PAIP1: variants seen among roughly 807,000 people sequenced by gnomAD.
The protein encoded by PAIP1 is poly(A) binding protein interacting protein 1.
In PAIP1, 16 loss-of-function variants were observed where a neutral mutation model predicts 61.3. That is an observed-to-expected ratio of 0.26 (90% CI 0.18 to 0.40). The LOEUF is 0.40. PAIP1 is among the 10% of genes least tolerant of loss of function. PAIP1 has a pLI of 1.00. For missense variants in PAIP1, 416 were observed against 600.9 expected (o/e 0.69, Z 3.22); for synonymous variants, 187 against 226.2 (o/e 0.83, Z 1.56).
intron 6 of PAIP1, 25 bp from the exon 7 acceptor site, chr5:43,535,665 TAAG>T: frequency 8.0e-7 from 1 of 1,252,560 alleles, no homozygotes; most frequent in Non-Finnish European, 1.2e-6. Context: ...GTCAGTAAAA[TAAG>T]AAATTCAATA....
rs1301994523 is a variant in PAIP1, at chr5:43,556,780, C to T, written c.67G>A (p.Gly23Arg). 2.1e-6 allele frequency: 3 copies of T among 1,440,946 alleles called. No homozygotes were observed. The highest frequency in any genetic ancestry group is 2.7e-6 in the Non-Finnish European group (3 of 1,100,524). The allele number at this position is 1,440,946 out of a possible 1,614,324, so 89.3% of individuals were successfully genotyped here. ...RGRSRGLGRG[G>R]GGPEGGGFPN... is the part of the protein sequence containing the mutation. ...AAACCGCCGCCCTCAGGCCCGCCCC[C>T]TCCGCGGCCCAGGCCCCGGCTCCGG... Residue 23 changes from glycine (G) to arginine (R), a missense_variant, in exon 1 of 11, where the codon GGG becomes AGG. Physicochemically the swap from Gly to Arg is moderately radical, Grantham distance 125. Transcript: ENST00000306846.
intron 3 of PAIP1, among the ~76,000 whole-genome samples, chr5:43,546,752 T>C (rs1270048123): frequency 6.6e-6 from 1 of 151,978 alleles, no homozygotes; most frequent in Non-Finnish European, 1.5e-5. Flanking sequence ...TAAAATAGCA[T>C]TAATGAGGCC....
chr5:43,545,780 T>G lies in PAIP1; in HGVS notation c.621+1948A>C, dbSNP rs143325573. ...AATGTGTATTTAATCTGTCATTTTT[T>G]TTTTTTTTGATTCAGAGTTTCGCTC... On this transcript the variant is annotated intron_variant, in intron 3 of 10. Coordinates refer to ENST00000306846, the MANE Select transcript of PAIP1 (RefSeq NM_006451.5). Among the ~76,000 whole-genome samples the G allele has an allele frequency of 4.7e-3, 716 of 152,186 alleles. 5 individuals are homozygous for G. The highest frequency in any genetic ancestry group is 0.016 in the African/African-American group (645 of 41,500).
At chr5:43,536,254 C>G (rs6874647) in intron 6 of PAIP1, among the ~76,000 whole-genome samples, 151,564 of 152,294 alleles carry the variant, frequency 1, 75,426 homozygotes, top group Middle Eastern at 1. Flanking sequence ...TATGCTCGTC[C>G]ACCCACCAAA....
chr5:43,550,156 T>C (rs1747805628), intron 2 of PAIP1, among the ~76,000 whole-genome samples: 1 of 152,154 alleles, frequency 6.6e-6, no homozygotes, highest in Non-Finnish European at 1.5e-5. Flanking sequence ...GTTCATTGAA[T>C]AGAAGGATAA....
In PAIP1 at chr5:43,556,867, T is replaced by A. The variant is rs772840457; in HGVS notation, c.-21A>T. The A allele has an allele frequency of 5.0e-6, 7 of 1,399,012 alleles. No individual in the cohort carries two copies. Among genetic ancestry groups the A allele is most frequent in the Non-Finnish European group, 6.5e-6 (7 of 1,080,430 alleles). The allele number at this position is 1,399,012 out of a possible 1,614,324, so 86.7% of individuals were successfully genotyped here. ...GACATGCTCCTCCTCCTCCGCCTCC[T>A]CCTCCAGGGGCCGCTGCCGCTGCGC... On this transcript the variant is annotated 5_prime_UTR_variant, in exon 1 of 11. Transcript: ENST00000306846.
chr5:43,537,203 A>G (rs939921845), intron 5 of PAIP1, among the ~76,000 whole-genome samples: 8 of 152,208 alleles, frequency 5.3e-5, no homozygotes, highest in African/African-American at 1.4e-4. Flanking sequence ...ACTACTTCAT[A>G]AAGCTTTCTT....
intron 2 of PAIP1, among the ~76,000 whole-genome samples, chr5:43,549,034 G>A (rs12653645): frequency 0.014 from 2,108 of 152,130 alleles, 56 homozygotes; most frequent in East Asian, 0.13. Flanking sequence ...TCCGCCTCCC[G>A]GGTTCAAGCT....
At chr5:43,543,455 C>T (rs6884661) in intron 3 of PAIP1, among the ~76,000 whole-genome samples, 74,757 of 151,982 alleles carry the variant, frequency 0.49, 19,685 homozygotes, top group East Asian at 0.91. Flanking sequence ...AATGAGAATA[C>T]TGCCAAACTG....
At chr5:43,543,255 A>G in intron 3 of PAIP1, 139 bp from the exon 4 acceptor site, 1 of 378,104 alleles carries the variant, frequency 2.6e-6, no homozygotes, top group Non-Finnish European at 4.9e-6. Context: ...TGTTAGGCTT[A>G]AGGAAATTAA....
At chr5:43,547,378 T>C (rs1341327027) in intron 3 of PAIP1, among the ~76,000 whole-genome samples, 1 of 152,168 alleles carries the variant, frequency 6.6e-6, no homozygotes, top group Non-Finnish European at 1.5e-5. Context: ...TTTCAGAGCC[T>C]GCAAAACAAG....
chr5:43,528,565 CTT>C (rs1746797513), intron 10 of PAIP1, among the ~76,000 whole-genome samples: 1 of 152,138 alleles, frequency 6.6e-6, no homozygotes, highest in Non-Finnish European at 1.5e-5. Context: ...GTAGATGGAA[CTT>C]TCCTAGTTCT....
Position 43,550,837 on chromosome 5 carries a change from CAAAAAAA to C in PAIP1, c.436-2931_436-2925del, listed in dbSNP as rs373730839. ...CACATTCAGAAGTTGAAATATACTA[CAAAAAAA>C]AAAAAAAAAAAAAAAGCAAAAAGCC... On this transcript the variant is annotated intron_variant, in intron 2 of 10. Transcript: ENST00000306846. Among the ~76,000 whole-genome samples, 116 of 49,570 alleles carry C rather than the reference CAAAAAAA, an allele frequency of 2.3e-3. 1 individual carries two copies. The highest frequency in any genetic ancestry group is 0.011 in the African/African-American group (108 of 10,062). 32.5% of individuals were successfully genotyped at this position (49,570 alleles called of 152,430 possible).
rs796662855 is a variant in PAIP1 at position 43,555,144 on chromosome 5, C to T, written c.435+686G>A. The stretch of plus-strand genomic sequence containing the variant: ...ACTGGAAGGAGACAGAGTGGGTTTT[C>T]GGGATGTTGATAATGTTCTATTTCC... On this transcript the variant is annotated intron_variant, in intron 2 of 10. Coordinates refer to ENST00000306846, the MANE Select transcript of PAIP1 (RefSeq NM_006451.5). Among the ~76,000 whole-genome samples, 14 of 152,268 alleles carry T rather than the reference C, an allele frequency of 9.2e-5. 1 individual carries two copies. The highest frequency in any genetic ancestry group is 6.2e-4 in the South Asian group (3 of 4,820).
chr5:43,554,265 AAAAT>A (rs766338623), intron 2 of PAIP1, among the ~76,000 whole-genome samples: 1 of 152,230 alleles, frequency 6.6e-6, no homozygotes, highest in Non-Finnish European at 1.5e-5. Flanking sequence ...AATAGGGAAG[AAAAT>A]AAATGGGAAC....
chr5:43,536,786 C>G, intron 6 of PAIP1, 33 bp downstream of exon 6: 2 of 1,128,822 alleles, frequency 1.8e-6, no homozygotes, highest in South Asian at 1.4e-5. Flanking sequence ...TAAGTAAATA[C>G]GTAAATTAGT....
At chr5:43,551,743 ATCT>A (rs1397194691) in intron 2 of PAIP1, among the ~76,000 whole-genome samples, 8 of 83,050 alleles carry the variant, frequency 9.6e-5, no homozygotes, top group African/African-American at 6.0e-4. Context: ...CTGATTTGCA[ATCT>A]TTTTTTTTTT....
intron 4 of PAIP1, among the ~76,000 whole-genome samples, chr5:43,541,150 G>C: frequency 1.0e-5 from 1 of 95,988 alleles, no homozygotes. Flanking sequence ...TTTTTGATAC[G>C]GAGTCTGGCT....
intron 8 of PAIP1, 21 bp downstream of exon 8, chr5:43,534,831 TA>T: frequency 8.0e-7 from 1 of 1,243,088 alleles, no homozygotes; most frequent in Non-Finnish European, 1.2e-6. Flanking sequence ...AAGTAAAACT[TA>T]AAATATAAAC....
Sources: allele counts gnomAD v4.1 joint callset (sites outside exome capture counted in the v4.1 genomes callset), GRCh38; gene constraint gnomAD v4.1.1; transcripts MANE v1.5; gene names NCBI Gene and HGNC (gene_info 2026-07-23, HGNC 2026-07-21).